SVIL: variants seen among roughly 807,000 people sequenced by gnomAD.
The protein encoded by SVIL is archvillin.
Under a neutral mutation model 240.4 loss-of-function variants are expected in SVIL, and 101 were observed. The observed-to-expected ratio is 0.42, with a 90% CI of 0.36 to 0.50. The LOEUF is 0.50. SVIL is among the 20% of genes least tolerant of loss of function. The pLI, the probability that SVIL is intolerant of heterozygous loss-of-function variation, is 0.01. For missense variants in SVIL, 2,512 were observed against 2,818.7 expected, an observed-to-expected ratio of 0.89 and a Z score of 2.46; for synonymous variants, 999 against 1,100.0, an observed-to-expected ratio of 0.91 and a Z score of 1.82.
chr10:29,627,217 C>T (rs1332114013), intron 1 of SVIL, among the ~76,000 whole-genome samples: 1 of 102,254 alleles, frequency 9.8e-6, no homozygotes, highest in African/African-American at 2.8e-5. Flanking sequence ...CCTGCTCTCC[C>T]ACCTTGAACT....
intron 3 of SVIL, 63 bp from the exon 4 acceptor site, chr10:29,555,171 C>G: frequency 6.9e-7 from 1 of 1,439,620 alleles, no homozygotes; most frequent in Non-Finnish European, 9.3e-7. Context: ...ATTTTATTCA[C>G]TCATGCAACG....
chr10:29,492,444 G>A (rs1362566053), intron 21 of SVIL, among the ~76,000 whole-genome samples: 1 of 152,174 alleles, frequency 6.6e-6, no homozygotes. Context: ...GTGTTCTGAG[G>A]GGCCTCTAGA....
chr10:29,568,039 A>G (rs1392274988), intron 2 of SVIL, among the ~76,000 whole-genome samples: 1 of 151,620 alleles, frequency 6.6e-6, no homozygotes, highest in African/African-American at 2.4e-5. Flanking sequence ...AAAAAAAAAA[A>G]CAAAAACAGA....
upstream of SVIL, among the ~76,000 whole-genome samples, chr10:29,635,663 AT>A (rs1219883778): frequency 6.6e-6 from 1 of 152,180 alleles, no homozygotes; most frequent in Non-Finnish European, 1.5e-5. Flanking sequence ...GGCCATATGC[AT>A]TTTTTTAAAC....
chr10:29,661,102 G>T (rs994926913), intron 2 of SVIL, among the ~76,000 whole-genome samples: 15 of 151,766 alleles, frequency 9.9e-5, no homozygotes, highest in Non-Finnish European at 8.8e-5. Context: ...GGGAGTCGGA[G>T]GTTGCAGTGA....
chr10:29,532,385 C>G, intron 8 of SVIL, 144 bp downstream of exon 8: 1 of 1,389,600 alleles, frequency 7.2e-7, no homozygotes, highest in South Asian at 1.5e-5. Context: ...AGTTTTTGAG[C>G]CATTTTCCGC....
chr10:29,650,223 G>C (rs1020460856), intron 3 of SVIL, among the ~76,000 whole-genome samples: 1 of 152,180 alleles, frequency 6.6e-6, no homozygotes. Context: ...ATTTTCTCAA[G>C]AGAAGAGAAA....
chr10:29,500,268 G>A, intron 17 of SVIL, among the ~76,000 whole-genome samples: 1 of 152,132 alleles, frequency 6.6e-6, no homozygotes, highest in East Asian at 1.9e-4. Flanking sequence ...GGCAGAGTTT[G>A]CTTTTCCTCT....
intron 1 of SVIL, among the ~76,000 whole-genome samples, chr10:29,718,759 T>C (rs576483290): frequency 3.2e-4 from 49 of 152,212 alleles, no homozygotes; most frequent in African/African-American, 1.1e-3. Context: ...CTAGAAAAGA[T>C]TGGAGATAAC....
intron 1 of SVIL, among the ~76,000 whole-genome samples, chr10:29,703,991 G>T (rs1270952340): frequency 6.6e-6 from 1 of 152,056 alleles, no homozygotes; most frequent in East Asian, 1.9e-4. Flanking sequence ...TGTAGAGATG[G>T]GGTCTCTCCC....
At chr10:29,702,229 C>A (rs1962572426) in intron 1 of SVIL, among the ~76,000 whole-genome samples, 1 of 143,312 alleles carries the variant, frequency 7.0e-6, no homozygotes, top group South Asian at 2.3e-4. Context: ...TCACAATGAA[C>A]TGTCCCATAC....
chr10:29,590,935 G>A lies in SVIL; in HGVS notation c.-200-21623C>T, dbSNP rs1405310343. ...AAACACTCCAAATAGAAACCCTGAA[G>A]CAAGGACATCTTTGTTTAAAGTAGT... On this transcript the variant is annotated intron_variant, in intron 1 of 37. Transcript: ENST00000355867. Among the ~76,000 whole-genome samples, 4 of 152,288 alleles carry A rather than the reference G, an allele frequency of 2.6e-5. No homozygotes were observed. In the East Asian group the frequency reaches 7.7e-4, roughly 29 times the overall value.
chr10:29,480,884 G>A, intron 28 of SVIL, 71 bp from the exon 29 acceptor site: 1 of 1,517,948 alleles, frequency 6.6e-7, no homozygotes, highest in South Asian at 1.2e-5. Flanking sequence ...GCTCAATGCT[G>A]CTTCAGCTGT....
At chr10:29,640,700 G>T (rs139420658) in intron 3 of SVIL, among the ~76,000 whole-genome samples, 18 of 152,266 alleles carry the variant, frequency 1.2e-4, no homozygotes, top group African/African-American at 4.3e-4. Context: ...TGCCTCACTT[G>T]AGTGATCATT....
intron 1 of SVIL, among the ~76,000 whole-genome samples, chr10:29,714,261 G>A (rs1329103866): frequency 6.6e-6 from 1 of 152,162 alleles, no homozygotes; most frequent in African/African-American, 2.4e-5. Flanking sequence ...TCTCCATCCC[G>A]AGGGATTTTC....
intron 1 of SVIL, among the ~76,000 whole-genome samples, chr10:29,702,036 G>A (rs181850052): frequency 4.9e-4 from 74 of 152,042 alleles, no homozygotes; most frequent in African/African-American, 1.3e-3. Flanking sequence ...TTAGCCGGGC[G>A]TGGTGGCAGG....
chr10:29,700,652 A>G (rs1383819239), intron 1 of SVIL, among the ~76,000 whole-genome samples: 1 of 151,796 alleles, frequency 6.6e-6, no homozygotes, highest in East Asian at 1.9e-4. Flanking sequence ...TTGTATTTTT[A>G]GTAGAGACGG....
chr10:29,573,725 C>T (rs1187574862), intron 1 of SVIL, among the ~76,000 whole-genome samples: 4 of 150,538 alleles, frequency 2.7e-5, no homozygotes, highest in Admixed American at 6.6e-5. Context: ...TTTTTTTTCC[C>T]GCTCTGTCAC....
chr10:29,629,742 C>A (rs565740079), intron 1 of SVIL, among the ~76,000 whole-genome samples: 1 of 148,866 alleles, frequency 6.7e-6, no homozygotes, highest in Non-Finnish European at 1.5e-5. Context: ...CCTTGAGAGG[C>A]CTTAATGGGA....
Sources: gnomAD v4.1 joint callset for allele counts (sites outside exome capture counted in the v4.1 genomes callset) on GRCh38, gnomAD v4.1.1 for gene constraint, MANE v1.5 for transcripts, NCBI Gene and HGNC (gene_info 2026-07-23, HGNC 2026-07-21) for gene names.